The following IKBKE variants were observed in gnomAD, a reference collection of about 807,000 sequenced individuals.
IKBKE encodes the protein inhibitor of nuclear factor kappa-B kinase subunit epsilon.
A neutral mutation model predicts 92.1 loss-of-function variants in IKBKE; 45 were observed. The ratio of observed to expected loss-of-function variants is 0.49; its 90% CI spans 0.38 to 0.63. The LOEUF is 0.63. Ranked by LOEUF, IKBKE falls within the 20% of genes least tolerant of loss-of-function variation. IKBKE has a pLI of 0.00. For synonymous variants in IKBKE, 374 were observed against 380.3 expected (o/e 0.98, Z 0.19); for missense variants, 700 against 932.8 (o/e 0.75, Z 3.25).
chr1:206,495,860 T>G (rs1280264448), intron 21 of IKBKE, among the ~76,000 whole-genome samples: 1 of 152,214 alleles, frequency 6.6e-6, no homozygotes, highest in Non-Finnish European at 1.5e-5. Context: ...AACGTACAAA[T>G]GCCTGGGTCT....
chr1:206,494,052 G>C (rs1572271037), intron 21 of IKBKE, 61 bp downstream of exon 21: 1 of 1,406,294 alleles, frequency 7.1e-7, no homozygotes, highest in East Asian at 2.3e-5. Flanking sequence ...TTGCCTGGGG[G>C]TGGTGAAGAG....
chr1:206,489,380 TATATATATATATATATATATAC>T (rs1665828226), intron 16 of IKBKE, among the ~76,000 whole-genome samples: 1 of 129,206 alleles, frequency 7.7e-6, no homozygotes, highest in Non-Finnish European at 1.7e-5. Context: ...TATATATATA[TATATATATATATATATATATAC>T]ACACACACAC....
In IKBKE at chr1:206,480,479, T is replaced by C; in HGVS notation, c.1373T>C (p.Leu458Pro). Residue 458 changes from leucine (L) to proline (P), a missense_variant, in exon 13 of 22, where the codon CTG (leucine) becomes CCG (proline). Physicochemically the swap from Leu to Pro is moderately conservative, Grantham distance 98. Coordinates refer to ENST00000581977, the MANE Select transcript of IKBKE (RefSeq NM_014002.4). ...EVLQATCRRT[L>P]EVARTSLLYL... ...CTCCAGGCCACATGCAGACGGACTCTGGAAGTGGCAAGGACATCCCTCCTC... is the reference window on the plus strand; with the variant it reads ...CTCCAGGCCACATGCAGACGGACTCCGGAAGTGGCAAGGACATCCCTCCTC... 1 of 1,613,812 alleles carries C rather than the reference T, an allele frequency of 6.2e-7. No individual in the cohort carries two copies. The highest frequency in any genetic ancestry group is 8.5e-7 in the Non-Finnish European group (1 of 1,179,862).
At chr1:206,494,987 A>T (rs1202592179) in intron 21 of IKBKE, among the ~76,000 whole-genome samples, 1 of 22,726 alleles carries the variant, frequency 4.4e-5, no homozygotes, top group Non-Finnish European at 9.6e-5. Context: ...CATTTGAAGT[A>T]AAAAAAAAAA....
intron 13 of IKBKE, 42 bp downstream of exon 13, chr1:206,480,575 C>A: frequency 7.1e-7 from 1 of 1,406,654 alleles, no homozygotes; most frequent in Non-Finnish European, 1.0e-6. Flanking sequence ...CTCAGCCCTG[C>A]CTTGTCTGCT....
intron 11 of IKBKE, 35 bp from the exon 12 acceptor site, chr1:206,479,987 T>C: frequency 6.2e-7 from 1 of 1,610,882 alleles, no homozygotes; most frequent in Non-Finnish European, 8.5e-7. Context: ...GGGTAGGAGG[T>C]GTGGGACCTG....
At chr1:206,481,678 T>A (rs1223473005) in intron 13 of IKBKE, among the ~76,000 whole-genome samples, 1 of 150,106 alleles carries the variant, frequency 6.7e-6, no homozygotes, top group Non-Finnish European at 1.5e-5. Context: ...TAGCCCTTCC[T>A]GGACATGTGA....
Position 206,476,119 on chromosome 1 carries a change from A to G in IKBKE, c.359-62A>G, listed in dbSNP as rs899004848. 1 of 1,523,862 alleles carries G rather than the reference A, an allele frequency of 6.6e-7. No individual in the cohort carries two copies. Among genetic ancestry groups the G allele is most frequent in the Non-Finnish European group, 9.0e-7 (1 of 1,105,966 alleles). The allele number at this position is 1,523,862 out of a possible 1,614,324, so 94.4% of individuals were successfully genotyped here. A position where few individuals can be genotyped will look rare whatever the true frequency, so the allele number is the denominator to read the frequency against. On this transcript the variant is annotated intron_variant, in intron 5 of 21. Transcript: ENST00000581977. This position sits in a 1 kb window ranked among gnomAD's most constrained non-coding sequence, Gnocchi z 5.1. ...CAAGGACAGCCTTCCCACCAAGATG[A>G]GCCTCAGACACTAGACTGTCCCCGA...
In IKBKE at chr1:206,485,759, G is replaced by A. The variant is rs1024213077; in HGVS notation, c.1616+453G>A. Among the ~76,000 whole-genome samples the A allele has an allele frequency of 2.6e-5, 4 of 152,230 alleles. No homozygotes were observed. Among genetic ancestry groups the A allele is most frequent in the Admixed American group, 6.5e-5 (1 of 15,292 alleles). ...CAGCCAGTAAATGACAAATGACAGA[G>A]GTGGCTTCAGGTCGGGTCTGTCCAC... On this transcript the variant is annotated intron_variant, in intron 15 of 21. Transcript: ENST00000581977. This position sits in a 1 kb window ranked among gnomAD's most constrained non-coding sequence, Gnocchi z 5.0.
intron 13 of IKBKE, among the ~76,000 whole-genome samples, chr1:206,482,532 C>T (rs1439340452): frequency 2.0e-5 from 3 of 152,204 alleles, no homozygotes; most frequent in Non-Finnish European, 4.4e-5. Flanking sequence ...TCCAAGGTGG[C>T]CTCCGTGGTG....
At position 206,488,016 on chromosome 1, in the gene IKBKE, C is replaced by T. The variant is rs1553389244; in HGVS notation, c.1693+26C>T. On this transcript the variant is annotated intron_variant, in intron 16 of 21. Coordinates refer to ENST00000581977, the MANE Select transcript of IKBKE (RefSeq NM_014002.4). ...GTGAGCCCGGGGAGGGCAGATGCCCCTTCTCTCTCCTCTGTCTCCCTTCTT... is the reference window on the plus strand; with the variant it reads ...GTGAGCCCGGGGAGGGCAGATGCCCTTTCTCTCTCCTCTGTCTCCCTTCTT... 7.9e-6 allele frequency: 12 copies of T among 1,516,688 alleles called. No homozygotes were observed. The Admixed American group carries it at 2.0e-4, about 26-fold the overall frequency. The allele number at this position is 1,516,688 out of a possible 1,614,324, so 94.0% of individuals were successfully genotyped here.
intron 5 of IKBKE, among the ~76,000 whole-genome samples, chr1:206,475,396 G>C (rs1166136970): frequency 6.6e-6 from 1 of 152,178 alleles, no homozygotes; most frequent in East Asian, 1.9e-4. Flanking sequence ...CCAGTGGCTG[G>C]GGGCAGAGGA....
intron 10 of IKBKE, 72 bp downstream of exon 10, chr1:206,479,205 GGC>G: frequency 5.5e-6 from 7 of 1,270,234 alleles, no homozygotes; most frequent in Non-Finnish European, 6.5e-6. Context: ...TTGCAATCCA[GGC>G]CATTGGTTAC....
At position 206,480,518 on chromosome 1, in the gene IKBKE, G is replaced by A. The variant is rs781943218; in HGVS notation, c.1412G>A (p.Ser471Asn). ...ARTSLLYLSS[S>N]LGTERFSSVA... is the part of the protein sequence containing the mutation. ...ACATCCCTCCTCTACCTCAGCAGCA[G>A]CCTGGGAACTGAGAGGTGGGTGTTC... is the stretch of plus-strand genomic sequence containing the variant. Residue 471 changes from serine (S) to asparagine (N), a missense_variant, in exon 13 of 22, where the codon AGC becomes AAC. By Grantham distance (46) the Ser-to-Asn change is conservative. Transcript: ENST00000581977. 2.1e-5 allele frequency: 34 copies of A among 1,613,474 alleles called. No homozygotes were observed. In the Middle Eastern group the frequency reaches 1.3e-3, roughly 63 times the overall value.
At position 206,477,754 on chromosome 1, in the gene IKBKE, G is replaced by A. The variant is rs782160603; in HGVS notation, c.707G>A (p.Arg236Gln). Residue 236 changes from arginine to glutamine, a missense_variant, in exon 8 of 22, where the codon CGG becomes CAG. By Grantham distance (43) the Arg-to-Gln change is conservative. Coordinates refer to ENST00000581977, the MANE Select transcript of IKBKE (RefSeq NM_014002.4). ...CCTGGCCTTCCTCCCCGCAGGTACC[G>A]GATCACCACGGAGAAGCCGGCTGGG... ...GPRRNKEIMYRITTEKPAGAI... is the reference protein window; with the variant it reads ...GPRRNKEIMYQITTEKPAGAI... The A allele has an allele frequency of 2.0e-5, 31 of 1,557,094 alleles. No homozygotes were observed. The East Asian group carries it at 2.2e-4, about 11-fold the overall frequency.
At chr1:206,494,640 G>A (rs1437850697) in intron 21 of IKBKE, among the ~76,000 whole-genome samples, 1 of 113,174 alleles carries the variant, frequency 8.8e-6, no homozygotes, top group Non-Finnish European at 1.6e-5. Flanking sequence ...GTCTCACTCT[G>A]TCACCCAGGC....
chr1:206,477,645 G>A, intron 7 of IKBKE, 104 bp from the exon 8 acceptor site: 1 of 670,334 alleles, frequency 1.5e-6, no homozygotes, highest in Non-Finnish European at 2.6e-6. Flanking sequence ...CTTTGGGGTA[G>A]CTGGGTGACT....
At position 206,476,658 on chromosome 1, in the gene IKBKE, A is replaced by G. The variant is rs782628855; in HGVS notation, c.541-20A>G. 7 of 1,614,068 alleles carry G rather than the reference A, an allele frequency of 4.3e-6. No individual in the cohort carries two copies. The highest frequency in any genetic ancestry group is 5.9e-6 in the Non-Finnish European group (7 of 1,179,970). ...GCCAGCCCTCCGGCTCCATGGCCTC[A>G]TTCTGGTTCTCTCCGGCAGCATCCC... On this transcript the variant is annotated intron_variant, in intron 6 of 21. Transcript: ENST00000581977. The surrounding 1 kb of genome is among the most constrained non-coding windows in gnomAD (Gnocchi z 5.1).
chr1:206,492,473 A>G (rs974941295), intron 18 of IKBKE: 14 of 471,066 alleles, frequency 3.0e-5, no homozygotes, highest in Admixed American at 1.6e-4. Context: ...CCAACCCACC[A>G]CACATTCTGG....
Sources: gnomAD v4.1 joint callset for allele counts (sites outside exome capture counted in the v4.1 genomes callset) on GRCh38, gnomAD v4.1.1 for gene constraint, Gnocchi (gnomAD v3.1) non-coding constraint, MANE v1.5 for transcripts, NCBI Gene and HGNC (gene_info 2026-07-23, HGNC 2026-07-21) for gene names.